TMCO2: variants seen among roughly 807,000 people sequenced by gnomAD.
The protein encoded by TMCO2 is transmembrane and coiled-coil domains 2, also known as transmembrane and coiled-coil domain-containing protein 2.
TMCO2 carries 15 observed loss-of-function variants against 18.0 expected under a neutral mutation model. That is an observed-to-expected ratio of 0.84 (90% CI 0.56 to 1.29). The LOEUF (loss-of-function observed/expected upper bound fraction) is 1.29, where lower values mean the gene tolerates loss of function less well. Ranked by LOEUF, TMCO2 falls within the 50% of genes most tolerant of loss-of-function variation. The probability of loss-of-function intolerance (pLI) is 0.00; values close to 1 mark genes in which losing one functional copy is unlikely to be tolerated. For missense variants in TMCO2, 182 were observed against 200.9 expected (o/e 0.91, Z 0.57); for synonymous variants, 79 against 75.9 (o/e 1.04, Z -0.21).
chr1:40,251,324 G>A lies in TMCO2; in HGVS notation c.279G>A (p.Lys93=), dbSNP rs1179321208. ...TAATCACACTCTACAAACTTTACAA[G>A]AAGGGCTCACATATTTTTGAGGCTT... ...LFVITLYKLY[K]KGSHIFEALL... The change falls in exon 2 of 2, where the codon AAG becomes AAA. Residue 93 remains lysine (K), a synonymous_variant. Coordinates refer to ENST00000372766, the MANE Select transcript of TMCO2 (RefSeq NM_001008740.4). 6.2e-7 allele frequency: 1 copy of A among 1,612,978 alleles called. No homozygotes were observed.
rs762133857 is a variant in TMCO2 at position 40,251,287 on chromosome 1, C to T, written c.242C>T (p.Thr81Ile). The T allele has an allele frequency of 1.9e-6, 3 of 1,608,026 alleles. No individual in the cohort carries two copies. Among genetic ancestry groups the T allele is most frequent in the Non-Finnish European group, 2.5e-6 (3 of 1,178,576 alleles). The change falls in exon 2 of 2, where the codon ACA becomes ATA. Residue 81 changes from threonine to isoleucine, a missense_variant. Coordinates refer to ENST00000372766, the MANE Select transcript of TMCO2 (RefSeq NM_001008740.4). ...WKRSIQSIQK[T>I]LLFVITLYKL... The stretch of plus-strand genomic sequence containing the variant: ...ACTTCTGTTGTTCCATTTTAGAAAA[C>T]ATTGTTGTTTGTAATCACACTCTAC...
chr1:40,249,818 C>G (rs529339055), intron 1 of TMCO2, among the ~76,000 whole-genome samples: 4 of 151,526 alleles, frequency 2.6e-5, no homozygotes, highest in Admixed American at 2.6e-4. Flanking sequence ...GGATTACAGG[C>G]GCATACCACC....
chr1:40,251,567 C>T lies in TMCO2; in HGVS notation c.522C>T (p.Ser174=). Residue 174 remains serine, a synonymous_variant, in exon 2 of 2, where the codon TCC becomes TCT. Transcript: ENST00000372766. ...GCTCTGACTGCCAGAGTCCCTTGTC[C>T]ACATCAGGGTTTACTTCCCCCATTT... The part of the protein sequence containing the change: ...CSCSDCQSPL[S]TSGFTSPI 1 of 1,608,434 alleles carries T rather than the reference C, an allele frequency of 6.2e-7. No homozygotes were observed. The highest frequency in any genetic ancestry group is 1.1e-5 in the South Asian group (1 of 89,480).
At position 40,251,534 on chromosome 1, in the gene TMCO2, C is replaced by CT. The variant is rs772508985; in HGVS notation, c.490dup (p.Cys164LeufsTer5). On this transcript the variant is annotated frameshift_variant, in exon 2 of 2. Transcript: ENST00000372766. LOFTEE classifies it high-confidence loss of function. ...AGAGGGATTGCTCCTCTGAGCCCTA[C>CT]TGCAGCTGCTCTGACTGCCAGAGTC... The CT allele has an allele frequency of 3.1e-6, 5 of 1,613,772 alleles. No homozygotes were observed. The African/African-American group carries it at 6.7e-5, about 22-fold the overall frequency.
intron 1 of TMCO2, among the ~76,000 whole-genome samples, chr1:40,249,301 G>A (rs899349743): frequency 6.9e-6 from 1 of 144,910 alleles, no homozygotes; most frequent in African/African-American, 2.5e-5. Context: ...GTGTGTGTGT[G>A]TACGCGCATG....
rs1643384142 is a variant in TMCO2, at chr1:40,251,486, C to T, written c.441C>T (p.Ile147=). The T allele has an allele frequency of 1.9e-6, 3 of 1,613,808 alleles. No homozygotes were observed. Among genetic ancestry groups the T allele is most frequent in the South Asian group, 1.1e-5 (1 of 90,994 alleles). Residue 147 remains isoleucine (I), a synonymous_variant, in exon 2 of 2, where the codon ATC becomes ATT. Transcript: ENST00000372766. ...AAATGAAGAACCTAGAAGGGATAATCGTTGCTCAAAAACCTGCCACGAAGA... is the reference window on the plus strand; with the variant it reads ...AAATGAAGAACCTAGAAGGGATAATTGTTGCTCAAAAACCTGCCACGAAGA... ...ENKMKNLEGI[I]VAQKPATKRD... is the part of the protein sequence containing the mutation.
rs1298360317 is a variant in TMCO2, at chr1:40,251,654, G to A, written c.*60G>A. ...CTGTTTCCCTCATGTGTGCAGTGGT[G>A]TATCAATAAAGATAGAGAACGCTAT... is the stretch of plus-strand genomic sequence containing the variant. On this transcript the variant is annotated 3_prime_UTR_variant, in exon 2 of 2. Transcript: ENST00000372766. 5.2e-6 allele frequency: 8 copies of A among 1,531,210 alleles called. No homozygotes were observed. Among genetic ancestry groups the A allele is most frequent in the African/African-American group, 2.8e-5 (2 of 71,342 alleles). 94.9% of individuals were successfully genotyped at this position (1,531,210 alleles called of 1,614,324 possible).
At chr1:40,250,998 G>A (rs972798514) in intron 1 of TMCO2, among the ~76,000 whole-genome samples, 3 of 152,046 alleles carry the variant, frequency 2.0e-5, no homozygotes, top group Admixed American at 1.3e-4. Flanking sequence ...TTAGCCGGGC[G>A]TGGTGGTGGG....
intron 1 of TMCO2, among the ~76,000 whole-genome samples, chr1:40,250,491 C>A (rs1643373287): frequency 1.3e-5 from 2 of 151,916 alleles, no homozygotes; most frequent in South Asian, 4.1e-4. Context: ...GCCATTGTAC[C>A]CAGATCTCTC....
intron 1 of TMCO2, among the ~76,000 whole-genome samples, chr1:40,249,819 G>A (rs566618278): frequency 1.3e-5 from 2 of 151,332 alleles, no homozygotes; most frequent in South Asian, 2.1e-4. Flanking sequence ...GATTACAGGC[G>A]CATACCACCA....
chr1:40,248,144 G>C lies in TMCO2; in HGVS notation c.151G>C (p.Val51Leu). ...ACTATTAGATAATCTTGCTCCAGCT[G>C]TGCAAATCATCTTGAGGATTTCTTT... ...LGLLDNLAPA[V>L]QIILRISFLI... Residue 51 changes from valine (V) to leucine (L), a missense_variant, in exon 1 of 2, where the codon GTG becomes CTG. Val to Leu is a conservative substitution (Grantham distance 32). Coordinates refer to ENST00000372766, the MANE Select transcript of TMCO2 (RefSeq NM_001008740.4). 1 of 1,614,174 alleles carries C rather than the reference G, an allele frequency of 6.2e-7. No homozygotes were observed. The highest frequency in any genetic ancestry group is 8.5e-7 in the Non-Finnish European group (1 of 1,180,030).
chr1:40,251,306 A>G lies in TMCO2; in HGVS notation c.261A>G (p.Thr87=). ...AGAAAACATTGTTGTTTGTAATCAC[A>G]CTCTACAAACTTTACAAGAAGGGCT... ...SIQKTLLFVI[T]LYKLYKKGSH... is the part of the protein sequence containing the mutation. Residue 87 remains threonine (T), a synonymous_variant, in exon 2 of 2, where the codon ACA becomes ACG. Coordinates refer to ENST00000372766, the MANE Select transcript of TMCO2 (RefSeq NM_001008740.4). The G allele has an allele frequency of 6.2e-7, 1 of 1,611,412 alleles. No homozygotes were observed.
chr1:40,248,067 TACAAGCAAGTTTTTTGGGAGAG>T lies in TMCO2; in HGVS notation c.77_98del (p.Gln26LeufsTer12), dbSNP rs1643352541. 1 of 1,614,094 alleles carries T rather than the reference TACAAGCAAGTTTTTTGGGAGAG, an allele frequency of 6.2e-7. No homozygotes were observed. ...TCTCTCAGCACAGTATGGAATTGGA[TACAAGCAAGTTTTTTGGGAGAG>T]ACTAGTGCACCTCAGCAAACAAGTT... On this transcript the variant is annotated frameshift_variant, in exon 1 of 2. Coordinates refer to ENST00000372766, the MANE Select transcript of TMCO2 (RefSeq NM_001008740.4). LOFTEE classifies it high-confidence loss of function.
At chr1:40,249,255 A>ATGTGTGTGTGTGTGTGTGTGTG (rs3075101) in intron 1 of TMCO2, among the ~76,000 whole-genome samples, 11 of 139,834 alleles carry the variant, frequency 7.9e-5, no homozygotes, top group East Asian at 6.6e-4. Context: ...TTGAACAGGA[A>ATGTGTGTGTGTGTGTGTGTGTG]TGTGTGTGTG....
At chr1:40,250,343 T>C (rs1643372364) in intron 1 of TMCO2, among the ~76,000 whole-genome samples, 1 of 147,350 alleles carries the variant, frequency 6.8e-6, no homozygotes, top group Non-Finnish European at 1.5e-5. Flanking sequence ...ACATTAATTT[T>C]TTTAAGAGAC....
intron 1 of TMCO2, among the ~76,000 whole-genome samples, chr1:40,249,148 A>G (rs902141450): frequency 6.6e-6 from 1 of 152,132 alleles, no homozygotes; most frequent in African/African-American, 2.4e-5. Flanking sequence ...CATAGTTTGT[A>G]AGAGCTGGCA....
chr1:40,248,171 T>G lies in TMCO2; in HGVS notation c.178T>G (p.Leu60Val), dbSNP rs1235065289. 4.3e-6 allele frequency: 7 copies of G among 1,614,072 alleles called. No individual in the cohort carries two copies. In the African/African-American group the frequency reaches 9.3e-5, roughly 22 times the overall value. Residue 60 changes from leucine to valine, a missense_variant, in exon 1 of 2, where the codon TTG becomes GTG. Leu to Val is a conservative substitution (Grantham distance 32). Transcript: ENST00000372766. The stretch of plus-strand genomic sequence containing the variant: ...GCAAATCATCTTGAGGATTTCTTTC[T>G]TGATTTTATTGGGAATAGGAATATA... ...AVQIILRISFLILLGIGIYAL... is the reference protein window; with the variant it reads ...AVQIILRISFVILLGIGIYAL...
intron 1 of TMCO2, among the ~76,000 whole-genome samples, chr1:40,249,895 G>A (rs186764663): frequency 1.1e-3 from 174 of 152,058 alleles, no homozygotes; most frequent in African/African-American, 3.9e-3. Context: ...GGCTGGTCTC[G>A]AACTCCTGAC....
chr1:40,248,320 A>G, intron 1 of TMCO2, 90 bp downstream of exon 1: 1 of 1,150,586 alleles, frequency 8.7e-7, no homozygotes, highest in Non-Finnish European at 1.2e-6. Flanking sequence ...TTTTAAGATC[A>G]TGCAGATGTG....
Sources: gnomAD v4.1 joint callset for allele counts (sites outside exome capture counted in the v4.1 genomes callset) on GRCh38, gnomAD v4.1.1 for gene constraint, MANE v1.5 for transcripts, NCBI Gene and HGNC (gene_info 2026-07-23, HGNC 2026-07-21) for gene names.